The following ZFAT variants were observed in gnomAD, a reference collection of about 807,000 sequenced individuals.
ZFAT encodes the protein zinc finger and AT-hook domain containing, also known as zinc finger protein ZFAT.
In ZFAT, 64 loss-of-function variants were observed where a neutral mutation model predicts 117.7. The observed-to-expected ratio is 0.54, with a 90% CI of 0.44 to 0.67. The LOEUF (loss-of-function observed/expected upper bound fraction) is 0.67, where lower values mean the gene tolerates loss of function less well. Ranked by LOEUF, ZFAT falls within the 30% of genes least tolerant of loss-of-function variation. The pLI is 0.00. For missense variants in ZFAT, 1,433 were observed against 1,584.5 expected, an observed-to-expected ratio of 0.90 and a Z score of 1.62; for synonymous variants, 679 against 615.0, an observed-to-expected ratio of 1.10 and a Z score of -1.54.
At chr8:134,625,931 C>T (rs540688538) in intron 3 of ZFAT, among the ~76,000 whole-genome samples, 2 of 152,346 alleles carry the variant, frequency 1.3e-5, no homozygotes, top group East Asian at 1.9e-4. Flanking sequence ...CACTGAAAAT[C>T]GCTGCACTTC....
intron 3 of ZFAT, among the ~76,000 whole-genome samples, chr8:134,615,091 G>T (rs912216856): frequency 6.6e-6 from 1 of 152,204 alleles, no homozygotes; most frequent in African/African-American, 2.4e-5. Flanking sequence ...TCAAATCTGC[G>T]CTGAGTGCAG....
chr8:134,712,786 G>GAGCGC, intron 1 of ZFAT, 59 bp downstream of exon 1: 1 of 1,397,594 alleles, frequency 7.2e-7, no homozygotes, highest in Non-Finnish European at 9.6e-7. Flanking sequence ...ACGGCTTTCC[G>GAGCGC]CGCGCCGCGC....
chr8:134,546,935 C>T (rs555903856), intron 11 of ZFAT, among the ~76,000 whole-genome samples: 5 of 152,298 alleles, frequency 3.3e-5, no homozygotes, highest in South Asian at 2.1e-4. Flanking sequence ...TTTCTTTTAA[C>T]GTGCATTTGG....
At chr8:134,544,854 G>A (rs184132634) in intron 11 of ZFAT, among the ~76,000 whole-genome samples, 4 of 152,240 alleles carry the variant, frequency 2.6e-5, no homozygotes, top group Admixed American at 2.0e-4. Flanking sequence ...TAATGCATGC[G>A]GCTGCAAACT....
chr8:134,700,561 C>T (rs961660827), intron 1 of ZFAT, among the ~76,000 whole-genome samples: 2 of 152,212 alleles, frequency 1.3e-5, no homozygotes, highest in African/African-American at 2.4e-5. Flanking sequence ...AGGCCTGACC[C>T]CTGTACAAAG....
At chr8:134,711,876 T>C (rs138893463) in intron 1 of ZFAT, among the ~76,000 whole-genome samples, 1 of 152,308 alleles carries the variant, frequency 6.6e-6, no homozygotes, top group Non-Finnish European at 1.5e-5. Flanking sequence ...TAGGACACGC[T>C]ACTTCCTTCA....
intron 3 of ZFAT, among the ~76,000 whole-genome samples, chr8:134,616,539 CTTTCAATAGGTGTT>C (rs760557565): frequency 3.3e-4 from 50 of 152,326 alleles, no homozygotes; most frequent in Admixed American, 4.6e-4. Flanking sequence ...GTATCATGGC[CTTTCAATAGGTGTT>C]TTTCAATAGT....
the ZFAT span, among the ~76,000 whole-genome samples, chr8:134,761,698 C>CA: frequency 4.6e-4 from 65 of 140,766 alleles, no homozygotes; most frequent in Middle Eastern, 3.6e-3. Context: ...GACTCCGTTT[C>CA]AAAAAAAAAA....
At chr8:134,694,863 A>G (rs1247814225) in intron 1 of ZFAT, among the ~76,000 whole-genome samples, 2 of 152,300 alleles carry the variant, frequency 1.3e-5, no homozygotes, top group Non-Finnish European at 2.9e-5. Context: ...CAAATCCATT[A>G]CCGTAGTTAT....
the ZFAT span, among the ~76,000 whole-genome samples, chr8:134,746,624 T>C: frequency 6.6e-6 from 1 of 152,218 alleles, no homozygotes; most frequent in South Asian, 2.1e-4. Flanking sequence ...TGCCCTCTTT[T>C]GGAACATGTT....
At chr8:134,612,631 T>C (rs1828428497) in intron 3 of ZFAT, among the ~76,000 whole-genome samples, 1 of 152,248 alleles carries the variant, frequency 6.6e-6, no homozygotes, top group South Asian at 2.1e-4. Context: ...TTTTTAGACC[T>C]AGTGAAACAG....
the ZFAT span, among the ~76,000 whole-genome samples, chr8:134,781,467 T>C: frequency 1.3e-5 from 2 of 152,302 alleles, no homozygotes; most frequent in South Asian, 4.1e-4. Context: ...AAGATCCTAA[T>C]AGCACTTAAA....
At chr8:134,809,971 A>C in the ZFAT span, among the ~76,000 whole-genome samples, 2 of 152,214 alleles carry the variant, frequency 1.3e-5, no homozygotes, top group Non-Finnish European at 2.9e-5. Context: ...CTGAGTGTTA[A>C]GACCACTTAG....
intron 3 of ZFAT, among the ~76,000 whole-genome samples, chr8:134,618,993 A>T (rs1828927261): frequency 6.6e-6 from 1 of 152,212 alleles, no homozygotes; most frequent in Non-Finnish European, 1.5e-5. Flanking sequence ...TAATCATTTT[A>T]CCTGAGTCTG....
At chr8:134,809,420 C>G in the ZFAT span, among the ~76,000 whole-genome samples, 3 of 151,958 alleles carry the variant, frequency 2.0e-5, no homozygotes, top group Non-Finnish European at 2.9e-5. Flanking sequence ...CCTTGCCGTT[C>G]GGGTGACCAG....
intron 1 of ZFAT, among the ~76,000 whole-genome samples, chr8:134,706,719 G>A (rs567734300): frequency 6.6e-6 from 1 of 152,118 alleles, no homozygotes; most frequent in South Asian, 2.1e-4. Flanking sequence ...AAAAAGACTA[G>A]TGGTTGCTTG....
chr8:134,619,584 A>C (rs1828974993), intron 3 of ZFAT, among the ~76,000 whole-genome samples: 1 of 152,216 alleles, frequency 6.6e-6, no homozygotes, highest in Admixed American at 6.5e-5. Context: ...AAGGCCTGGC[A>C]GGATTTAGCC....
chr8:134,759,675 AT>A, the ZFAT span, among the ~76,000 whole-genome samples: 40 of 152,174 alleles, frequency 2.6e-4, no homozygotes, highest in East Asian at 7.5e-3. Flanking sequence ...TTAGAATTGA[AT>A]TTTTAAAATA....
chr8:134,613,186 C>T (rs1319211604), intron 3 of ZFAT, among the ~76,000 whole-genome samples: 1 of 152,104 alleles, frequency 6.6e-6, no homozygotes, highest in Non-Finnish European at 1.5e-5. Flanking sequence ...GGTGATATGC[C>T]AGGAACAGAT....
Sources: gnomAD v4.1 joint callset for allele counts (sites outside exome capture counted in the v4.1 genomes callset) on GRCh38, gnomAD v4.1.1 for gene constraint, MANE v1.5 for transcripts, NCBI Gene and HGNC (gene_info 2026-07-23, HGNC 2026-07-21) for gene names.